FGD3: variants seen among roughly 807,000 people sequenced by gnomAD.
The protein encoded by FGD3 is FYVE, RhoGEF and PH domain-containing protein 3.
In FGD3, 45 loss-of-function variants were observed where a neutral mutation model predicts 71.8. The observed-to-expected ratio is 0.63, with a 90% CI of 0.49 to 0.80. The LOEUF (loss-of-function observed/expected upper bound fraction) is 0.80, where lower values mean the gene tolerates loss of function less well. Ranked by LOEUF, FGD3 falls within the 30% of genes least tolerant of loss-of-function variation. The pLI, the probability that FGD3 is intolerant of heterozygous loss-of-function variation, is 0.00. For synonymous variants in FGD3, 378 were observed against 392.8 expected (o/e 0.96, Z 0.44); for missense variants, 844 against 951.5 (o/e 0.89, Z 1.49).
intron 14 of FGD3, among the ~76,000 whole-genome samples, chr9:93,028,667 G>T (rs554023909): frequency 6.6e-6 from 1 of 152,236 alleles, no homozygotes; most frequent in Admixed American, 6.5e-5. Context: ...GCCAAACGCA[G>T]TCGGGGTTTT....
rs768521112 is a variant in FGD3, at chr9:93,035,612, ACAC to A, written c.*30_*32del. On this transcript the variant is annotated 3_prime_UTR_variant, in exon 18 of 18. Coordinates refer to ENST00000375482, the MANE Select transcript of FGD3 (RefSeq NM_001083536.2). ...TGAGCTGAGTCTCCCACTGCCCTGC[ACAC>A]CACCACATTGGACCTGTGCTGTCCT... 151 of 1,566,310 alleles carry A rather than the reference ACAC, an allele frequency of 9.6e-5. No individual in the cohort carries two copies. Among genetic ancestry groups the A allele is most frequent in the Middle Eastern group, 5.1e-4 (3 of 5,830 alleles).
At chr9:93,032,722 TC>T in intron 15 of FGD3, 46 bp from the exon 16 acceptor site, 1 of 1,574,490 alleles carries the variant, frequency 6.4e-7, no homozygotes, top group Non-Finnish European at 8.7e-7. Context: ...TCCTGGATAA[TC>T]CTCTGTCCCA....
intron 1 of FGD3, among the ~76,000 whole-genome samples, chr9:92,972,637 G>A (rs377513941): frequency 6.6e-6 from 1 of 152,148 alleles, no homozygotes; most frequent in South Asian, 2.1e-4. Flanking sequence ...TCTTAGATGT[G>A]TAGATTTATA....
At chr9:93,032,683 T>A in intron 15 of FGD3, 86 bp from the exon 16 acceptor site, 4 of 1,172,316 alleles carry the variant, frequency 3.4e-6, no homozygotes, top group Non-Finnish European at 5.0e-6. Context: ...CCACTCCACC[T>A]CCCGCCCACT....
At chr9:92,982,505 G>A (rs150586817) in intron 3 of FGD3, among the ~76,000 whole-genome samples, 17 of 152,102 alleles carry the variant, frequency 1.1e-4, no homozygotes, top group East Asian at 3.9e-4. Flanking sequence ...ATGTCCAGTC[G>A]TGTGATTGCT....
intron 3 of FGD3, among the ~76,000 whole-genome samples, chr9:92,985,598 C>T (rs1367695443): frequency 6.6e-6 from 1 of 152,204 alleles, no homozygotes; most frequent in Non-Finnish European, 1.5e-5. Context: ...CCTGCCTCAG[C>T]CTCCCAAGTA....
chr9:93,022,267 C>A, intron 13 of FGD3, 60 bp from the exon 14 acceptor site: 1 of 1,548,522 alleles, frequency 6.5e-7, no homozygotes. Flanking sequence ...TGTCCCCCCG[C>A]TGCACAGTGG....
rs56113535 is a variant in FGD3, at chr9:93,035,731, G to A, written c.*142G>A. 49,102 of 1,268,602 alleles carry A rather than the reference G, an allele frequency of 0.039. 1,139 individuals are homozygous for A. The highest frequency in any genetic ancestry group is 0.046 in the Non-Finnish European group (44,140 of 956,768). The allele number at this position is 1,268,602 out of a possible 1,614,324, so 78.6% of individuals were successfully genotyped here. A position where few individuals can be genotyped will look rare whatever the true frequency, so the allele number is the denominator to read the frequency against. On this transcript the variant is annotated 3_prime_UTR_variant, in exon 18 of 18. Transcript: ENST00000375482. Reference sequence around the variant, plus strand: ...AGCTCAGGACACTTGGCTTTGGGGGGAAGGAAACTGAGGCCCAGAGAGGGG... The same window carrying A: ...AGCTCAGGACACTTGGCTTTGGGGGAAAGGAAACTGAGGCCCAGAGAGGGG...
At chr9:92,964,842 C>A (rs1859254285) in intron 1 of FGD3, among the ~76,000 whole-genome samples, 2 of 152,280 alleles carry the variant, frequency 1.3e-5, no homozygotes, top group East Asian at 1.9e-4. Flanking sequence ...GTAGCGCGAG[C>A]CTTCCTCTGC....
At chr9:92,999,615 A>G (rs1294110932) in intron 3 of FGD3, among the ~76,000 whole-genome samples, 2 of 145,232 alleles carry the variant, frequency 1.4e-5, no homozygotes. Flanking sequence ...TTTTTTAAAG[A>G]CAGAGTCTTG....
chr9:92,976,499 C>G lies in FGD3; in HGVS notation c.243C>G (p.Pro81=). The G allele has an allele frequency of 1.2e-6, 2 of 1,611,294 alleles. No homozygotes were observed. Among genetic ancestry groups the G allele is most frequent in the African/African-American group, 1.3e-5 (1 of 74,934 alleles). Reference sequence around the variant, plus strand: ...ACCGGGACAGCGGGATCGACAGTCCCTCCTCCAGTGTGGCTGGAGAGAACT... The same window carrying G: ...ACCGGGACAGCGGGATCGACAGTCCGTCCTCCAGTGTGGCTGGAGAGAACT... ...IPNRDSGIDS[P]SSSVAGENFP... Residue 81 remains proline (P), a synonymous_variant, in exon 3 of 18, where the codon CCC becomes CCG. Transcript: ENST00000375482.
At chr9:92,952,679 T>A (rs1858977462) in intron 1 of FGD3, among the ~76,000 whole-genome samples, 1 of 151,904 alleles carries the variant, frequency 6.6e-6, no homozygotes, top group Non-Finnish European at 1.5e-5. Flanking sequence ...CTTCTCTTCC[T>A]TCCTCACTCC....
At chr9:92,952,796 T>C (rs1052257479) in intron 1 of FGD3, among the ~76,000 whole-genome samples, 2 of 152,072 alleles carry the variant, frequency 1.3e-5, no homozygotes, top group Non-Finnish European at 2.9e-5. Context: ...TTTAGAATAG[T>C]GCTGCTGTGA....
chr9:93,008,609 A>G (rs1334158253), intron 6 of FGD3, among the ~76,000 whole-genome samples: 1 of 152,142 alleles, frequency 6.6e-6, no homozygotes, highest in Non-Finnish European at 1.5e-5. Flanking sequence ...TCCTGGGGAT[A>G]TTCACTTGAT....
intron 3 of FGD3, among the ~76,000 whole-genome samples, chr9:92,989,043 TTTTTG>T (rs1292944435): frequency 6.6e-6 from 1 of 152,152 alleles, no homozygotes; most frequent in Non-Finnish European, 1.5e-5. Flanking sequence ...CATCAGTGTT[TTTTTG>T]TTTTGTTTTG....
At chr9:92,991,571 C>A (rs184785702) in intron 3 of FGD3, among the ~76,000 whole-genome samples, 1 of 152,306 alleles carries the variant, frequency 6.6e-6, no homozygotes, top group Non-Finnish European at 1.5e-5. Context: ...TGTGTCCTAA[C>A]ATATTGTCAG....
At chr9:92,986,022 C>T (rs551216442) in intron 3 of FGD3, among the ~76,000 whole-genome samples, 76 of 152,284 alleles carry the variant, frequency 5.0e-4, no homozygotes, top group African/African-American at 1.8e-3. Flanking sequence ...ACCTTGGTCC[C>T]ATTTCATCAC....
At chr9:93,005,472 GT>G (rs1861015964) in intron 5 of FGD3, among the ~76,000 whole-genome samples, 2 of 152,188 alleles carry the variant, frequency 1.3e-5, no homozygotes, top group Non-Finnish European at 2.9e-5. Flanking sequence ...TCATGCCTTA[GT>G]GATGGCTTTG....
intron 1 of FGD3, among the ~76,000 whole-genome samples, chr9:92,968,475 T>C (rs111746453): frequency 0.051 from 7,680 of 152,030 alleles, 251 homozygotes; most frequent in East Asian, 0.13. Context: ...TGGAGACCCC[T>C]CCTCCATCCA....
Sources: allele counts gnomAD v4.1 joint callset (sites outside exome capture counted in the v4.1 genomes callset), GRCh38; gene constraint gnomAD v4.1.1; transcripts MANE v1.5; gene names NCBI Gene and HGNC (gene_info 2026-07-23, HGNC 2026-07-21).